Variants in GFRA1 observed in about 807,000 individuals in gnomAD.
GFRA1 encodes the protein GDNF family receptor alpha-1.
GFRA1 carries 16 observed loss-of-function variants against 51.6 expected under a neutral mutation model. That is an observed-to-expected ratio of 0.31 (90% CI 0.21 to 0.47). GFRA1 has a LOEUF of 0.47. GFRA1 is among the 20% of genes least tolerant of loss of function. The pLI, the probability that GFRA1 is intolerant of heterozygous loss-of-function variation, is 1.00. For synonymous variants in GFRA1, 270 were observed against 241.3 expected (o/e 1.12, Z -1.10); for missense variants, 530 against 594.3 (o/e 0.89, Z 1.13).
intron 6 of GFRA1, among the ~76,000 whole-genome samples, chr10:116,116,945 T>C (rs1369519564): frequency 1.3e-5 from 2 of 152,228 alleles, no homozygotes; most frequent in Non-Finnish European, 2.9e-5. Context: ...GCCAGAATTA[T>C]CATTCTGGCT....
chr10:116,092,105 A>G (rs1391687808), intron 8 of GFRA1, among the ~76,000 whole-genome samples: 2 of 139,980 alleles, frequency 1.4e-5, no homozygotes, highest in Non-Finnish European at 3.1e-5. Context: ...GTACACACAC[A>G]CACACACACA....
chr10:116,143,947 G>A (rs149035659), intron 5 of GFRA1, among the ~76,000 whole-genome samples: 198 of 152,202 alleles, frequency 1.3e-3, no homozygotes, highest in African/African-American at 4.5e-3. Context: ...GTCACTGCTC[G>A]GTTTGGTAGA....
At chr10:116,119,650 T>C (rs900279580) in intron 6 of GFRA1, among the ~76,000 whole-genome samples, 14 of 152,250 alleles carry the variant, frequency 9.2e-5, no homozygotes, top group Admixed American at 2.0e-4. Context: ...GATATAGTGA[T>C]GTGGGATCCA....
chr10:116,059,435 A>G lies in GFRA1; in HGVS notation c.*4963T>C, dbSNP rs1423634304. ...GTGCTGGGCTTGGCAGCTGCCCTGG[A>G]GCAAAAATTAACTCCCCATGGCAGT... On this transcript the variant is annotated 3_prime_UTR_variant, in exon 11 of 11. Transcript: ENST00000355422. 1 of 152,242 alleles carries G rather than the reference A, an allele frequency of 6.6e-6. No individual in the cohort carries two copies. The highest frequency in any genetic ancestry group is 1.5e-5 in the Non-Finnish European group (1 of 68,066). 9.4% of individuals were successfully genotyped at this position (152,242 alleles called of 1,614,324 possible).
chr10:116,073,105 C>G (rs2133803452), intron 9 of GFRA1, among the ~76,000 whole-genome samples: 1 of 152,344 alleles, frequency 6.6e-6, no homozygotes, highest in East Asian at 1.9e-4. Context: ...ATGAAAGAGA[C>G]ACAGTCCAGT....
chr10:116,200,532 T>C (rs1422608381), intron 5 of GFRA1, among the ~76,000 whole-genome samples: 1 of 152,254 alleles, frequency 6.6e-6, no homozygotes, highest in Admixed American at 6.5e-5. Flanking sequence ...TATAGCTAAA[T>C]ATCTGAAACC....
chr10:116,085,569 C>T (rs537701867), intron 9 of GFRA1, among the ~76,000 whole-genome samples: 4 of 152,298 alleles, frequency 2.6e-5, no homozygotes, highest in Admixed American at 6.5e-5. Context: ...GCCATGCAGG[C>T]AGAGGAGGGT....
chr10:116,134,470 A>G (rs1374346770), intron 5 of GFRA1, among the ~76,000 whole-genome samples: 3 of 152,238 alleles, frequency 2.0e-5, no homozygotes, highest in African/African-American at 7.2e-5. Flanking sequence ...AAATTTGATC[A>G]TACAGGTTGT....
chr10:116,264,986 T>C (rs564354611), intron 4 of GFRA1, among the ~76,000 whole-genome samples: 1 of 152,234 alleles, frequency 6.6e-6, no homozygotes, highest in South Asian at 2.1e-4. Flanking sequence ...TTCTCCAACA[T>C]GTAGACTTTG....
At chr10:116,181,205 C>T (rs184411763) in intron 5 of GFRA1, among the ~76,000 whole-genome samples, 13 of 152,288 alleles carry the variant, frequency 8.5e-5, no homozygotes, top group Non-Finnish European at 1.3e-4. Flanking sequence ...GGAGGTACTG[C>T]TATCTCTTGT....
Position 116,272,150 on chromosome 10 carries a change from G to T in GFRA1, c.-121C>A. 3 of 878,418 alleles carry T rather than the reference G, an allele frequency of 3.4e-6. No individual in the cohort carries two copies. The highest frequency in any genetic ancestry group is 5.6e-6 in the Non-Finnish European group (3 of 538,912). 54.4% of individuals were successfully genotyped at this position (878,418 alleles called of 1,614,324 possible). On this transcript the variant is annotated 5_prime_UTR_variant, in exon 2 of 11. Transcript: ENST00000355422. This position sits in a 1 kb window ranked among gnomAD's most constrained non-coding sequence, Gnocchi z 4.4. ...AGCTGTGCTGCTCTGGCCGCCCAAA[G>T]TTCAGCTCCATCCAGTGAAAGAGGA...
intron 5 of GFRA1, among the ~76,000 whole-genome samples, chr10:116,185,684 T>C (rs1240091420): frequency 2.0e-5 from 3 of 152,212 alleles, no homozygotes; most frequent in Non-Finnish European, 2.9e-5. Context: ...TCTGCTCCCA[T>C]GCGTGGCTTC....
intron 6 of GFRA1, among the ~76,000 whole-genome samples, chr10:116,116,237 G>GTA (rs1957407869): frequency 6.6e-6 from 1 of 152,196 alleles, no homozygotes; most frequent in Non-Finnish European, 1.5e-5. Context: ...TGGGATTACA[G>GTA]GTGCAGCAAT....
rs78442083 is a variant in GFRA1 at position 116,089,825 on chromosome 10, G to A, written c.1113C>T (p.Leu371=). The part of the protein sequence containing the change: ...QTTTATTTTA[L]RVKNKPLGPA... ...GCCCCAGGGGCTTGTTCTTAACCCG[G>A]AGGGCAGTGGTGGTAGTGGCAGTGG... Residue 371 remains leucine, a synonymous_variant, in exon 9 of 11, where the codon CTC becomes CTT. Transcript: ENST00000355422. 1 of 1,614,124 alleles carries A rather than the reference G, an allele frequency of 6.2e-7. No individual in the cohort carries two copies. The highest frequency in any genetic ancestry group is 8.5e-7 in the Non-Finnish European group (1 of 1,179,986).
chr10:116,162,579 G>A (rs544414787), intron 5 of GFRA1, among the ~76,000 whole-genome samples: 146 of 152,310 alleles, frequency 9.6e-4, no homozygotes, highest in South Asian at 1.5e-3. Flanking sequence ...ACAGGGACGC[G>A]TGTGCACATA....
chr10:116,090,336 C>G (rs1276775594), intron 8 of GFRA1, among the ~76,000 whole-genome samples: 2 of 147,572 alleles, frequency 1.4e-5, no homozygotes, highest in Admixed American at 6.9e-5. Context: ...TAAAAGGAAA[C>G]TAATTAGTGC....
intron 9 of GFRA1, among the ~76,000 whole-genome samples, chr10:116,077,814 T>C (rs997432976): frequency 1.3e-5 from 2 of 152,204 alleles, no homozygotes; most frequent in Non-Finnish European, 2.9e-5. Context: ...GGGGGACAGC[T>C]TGTCCTCCAT....
At chr10:116,110,339 T>C (rs10787619) in intron 6 of GFRA1, among the ~76,000 whole-genome samples, 81,873 of 151,914 alleles carry the variant, frequency 0.54, 22,786 homozygotes, top group Middle Eastern at 0.61. Context: ...TGGTAGTGTC[T>C]GTGTTTTACA....
chr10:116,096,888 CA>C (rs1956614449), intron 6 of GFRA1, 124 bp from the exon 7 acceptor site: 2 of 677,188 alleles, frequency 3.0e-6, no homozygotes, highest in African/African-American at 3.6e-5. Context: ...CACGCACACA[CA>C]CACACACACA....
Sources: gnomAD v4.1 joint callset for allele counts (sites outside exome capture counted in the v4.1 genomes callset) on GRCh38, gnomAD v4.1.1 for gene constraint, Gnocchi (gnomAD v3.1) non-coding constraint, MANE v1.5 for transcripts, NCBI Gene and HGNC (gene_info 2026-07-23, HGNC 2026-07-21) for gene names.